The following L3MBTL4 variants were observed in gnomAD, a reference collection of about 807,000 sequenced individuals.
The protein encoded by L3MBTL4 is L3MBTL histone methyl-lysine binding protein 4.
Under a neutral mutation model 84.5 loss-of-function variants are expected in L3MBTL4, and 70 were observed. The ratio of observed to expected loss-of-function variants is 0.83; its 90% confidence interval spans 0.68 to 1.01. The LOEUF (loss-of-function observed/expected upper bound fraction) is 1.01, where lower values mean the gene tolerates loss of function less well. Ranked by LOEUF, L3MBTL4 falls within the 50% of genes least tolerant of loss-of-function variation. The probability of loss-of-function intolerance (pLI) is 0.00; values close to 1 mark genes in which losing one functional copy is unlikely to be tolerated. For missense variants in L3MBTL4, 715 were observed against 754.8 expected (o/e 0.95, Z 0.62); for synonymous variants, 274 against 259.8 (o/e 1.05, Z -0.52).
chr18:6,180,969 C>T (rs572095178), intron 12 of L3MBTL4, among the ~76,000 whole-genome samples: 1 of 152,308 alleles, frequency 6.6e-6, no homozygotes, highest in Non-Finnish European at 1.5e-5. Flanking sequence ...TTCTGACATG[C>T]TACAACACAG....
chr18:6,395,591 A>C (rs1284139300), intron 1 of L3MBTL4: 1 of 152,228 alleles, frequency 6.6e-6, no homozygotes, highest in Non-Finnish European at 1.5e-5. Flanking sequence ...CTGCCATATG[A>C]TGTATTAATT....
intron 14 of L3MBTL4, among the ~76,000 whole-genome samples, chr18:6,113,047 C>T (rs1416922151): frequency 2.6e-5 from 4 of 152,210 alleles, no homozygotes; most frequent in South Asian, 2.1e-4. Flanking sequence ...CCCGGCACAT[C>T]GCAGAACAGA....
intron 4 of L3MBTL4, among the ~76,000 whole-genome samples, chr18:6,300,356 G>A (rs2146816070): frequency 6.6e-6 from 1 of 152,178 alleles, no homozygotes; most frequent in Non-Finnish European, 1.5e-5. Flanking sequence ...GGGGAAAACA[G>A]GAACAATATA....
In L3MBTL4 at chr18:6,187,411, C is replaced by G. The variant is rs1357307778; in HGVS notation, c.982-15469G>C. ...GTAGATGAAAATCTTGGCTCTATTT[C>G]AACAATAAAATCTATGTTTCTATTT... On this transcript the variant is annotated intron_variant, in intron 12 of 18. Transcript: ENST00000317931. Among the ~76,000 whole-genome samples, 3 of 152,068 alleles carry G rather than the reference C, an allele frequency of 2.0e-5. No individual in the cohort carries two copies. In the East Asian group the frequency reaches 5.8e-4, roughly 29 times the overall value.
At chr18:6,073,568 A>G (rs1177075521) in intron 16 of L3MBTL4, among the ~76,000 whole-genome samples, 1 of 152,220 alleles carries the variant, frequency 6.6e-6, no homozygotes, top group Non-Finnish European at 1.5e-5. Context: ...AGACATTACA[A>G]GAAGGAAAAC....
intron 4 of L3MBTL4, among the ~76,000 whole-genome samples, chr18:6,271,004 A>C (rs2048842788): frequency 6.6e-6 from 1 of 152,170 alleles, no homozygotes; most frequent in Non-Finnish European, 1.5e-5. Context: ...TGACCTAAAC[A>C]AAGGGGGGCA....
chr18:5,963,990 T>C (rs953576670), intron 17 of L3MBTL4, among the ~76,000 whole-genome samples: 1 of 152,328 alleles, frequency 6.6e-6, no homozygotes, highest in East Asian at 1.9e-4. Context: ...ATCATGCTGT[T>C]GGAGCCCAGT....
intron 16 of L3MBTL4, among the ~76,000 whole-genome samples, chr18:6,049,546 T>C (rs1160470640): frequency 6.6e-6 from 1 of 152,206 alleles, no homozygotes; most frequent in Non-Finnish European, 1.5e-5. Flanking sequence ...CCATAAAAAA[T>C]GAAATCATAT....
intron 17 of L3MBTL4, among the ~76,000 whole-genome samples, chr18:5,967,885 C>A (rs754629254): frequency 2.0e-5 from 3 of 152,186 alleles, no homozygotes; most frequent in Admixed American, 6.5e-5. Flanking sequence ...TTGTGAAGGG[C>A]GCCAGGGGGA....
In L3MBTL4 at chr18:6,077,110, T is replaced by A. The variant is rs527886299; in HGVS notation, c.1444+3771A>T. On this transcript the variant is annotated intron_variant, in intron 16 of 18. Coordinates refer to ENST00000317931, the MANE Select transcript of L3MBTL4 (RefSeq NM_001330559.2). ...CAAAAGGCACAGAGGCCCAGCTCCG[T>A]CCTGGAGAAGGGGCTCGCGGTGTTG... Among the ~76,000 whole-genome samples the A allele has an allele frequency of 3.9e-5, 6 of 152,312 alleles. No homozygotes were observed. The East Asian group carries it at 1.2e-3, about 29-fold the overall frequency.
intron 13 of L3MBTL4, among the ~76,000 whole-genome samples, chr18:6,154,696 C>T (rs1419065274): frequency 6.6e-6 from 1 of 152,172 alleles, no homozygotes; most frequent in Non-Finnish European, 1.5e-5. Context: ...AGGTAATCCA[C>T]TCTGGTGGGC....
intron 16 of L3MBTL4, among the ~76,000 whole-genome samples, chr18:5,991,455 CT>C (rs1005243527): frequency 6.6e-6 from 1 of 152,156 alleles, no homozygotes; most frequent in Non-Finnish European, 1.5e-5. Context: ...TGTTGATTGA[CT>C]CTAAATGACT....
At chr18:6,053,887 A>G (rs766438958) in intron 16 of L3MBTL4, among the ~76,000 whole-genome samples, 2 of 152,228 alleles carry the variant, frequency 1.3e-5, no homozygotes, top group Non-Finnish European at 2.9e-5. Context: ...TGACTGAAAA[A>G]AATCATGGCG....
chr18:6,252,507 A>G (rs73385940), intron 5 of L3MBTL4, among the ~76,000 whole-genome samples: 13,191 of 152,170 alleles, frequency 0.087, 1,855 homozygotes, highest in African/African-American at 0.29. Context: ...ATTTACATCA[A>G]ATTATTTTGA....
intron 14 of L3MBTL4, among the ~76,000 whole-genome samples, chr18:6,107,760 T>G (rs1190094210): frequency 6.6e-6 from 1 of 152,064 alleles, no homozygotes; most frequent in Non-Finnish European, 1.5e-5. Flanking sequence ...GAAGATGACT[T>G]TTGGGGCACC....
At position 6,068,251 on chromosome 18, in the gene L3MBTL4, T is replaced by C. The variant is rs539369082; in HGVS notation, c.1444+12630A>G. 3.3e-5 allele frequency among the ~76,000 whole-genome samples: 5 copies of C among 152,190 alleles called. No homozygotes were observed. In the South Asian group the frequency reaches 1.0e-3, roughly 31 times the overall value. On this transcript the variant is annotated intron_variant, in intron 16 of 18. Coordinates refer to ENST00000317931, the MANE Select transcript of L3MBTL4 (RefSeq NM_001330559.2). ...ATTTATTTAATTTTTTCCCAGTATT[T>C]TATTTACTAAGCTGATGATTCAGCC...
At chr18:6,234,628 TG>T (rs2047139683) in intron 10 of L3MBTL4, among the ~76,000 whole-genome samples, 1 of 152,146 alleles carries the variant, frequency 6.6e-6, no homozygotes, top group Non-Finnish European at 1.5e-5. Flanking sequence ...TGCCATCTCA[TG>T]CCAGTTAGAA....
chr18:6,181,407 C>T (rs539415704), intron 12 of L3MBTL4, among the ~76,000 whole-genome samples: 7 of 152,016 alleles, frequency 4.6e-5, no homozygotes, highest in Admixed American at 4.6e-4. Context: ...CTCACTGCAA[C>T]CTCTGTTTCC....
At chr18:6,406,782 C>G (rs9956351) in intron 1 of L3MBTL4, among the ~76,000 whole-genome samples, 3,337 of 151,972 alleles carry the variant, frequency 0.022, 131 homozygotes, top group African/African-American at 0.076. Context: ...TTTAAACTCC[C>G]TAAAATTCAA....
Sources: gnomAD v4.1 joint callset for allele counts (sites outside exome capture counted in the v4.1 genomes callset) on GRCh38, gnomAD v4.1.1 for gene constraint, MANE v1.5 for transcripts, NCBI Gene and HGNC (gene_info 2026-07-23, HGNC 2026-07-21) for gene names.